The following SF3B1 variants were observed in gnomAD, a reference collection of about 807,000 sequenced individuals.
SF3B1 encodes the protein splicing factor 3b subunit 1, also known as pre-mRNA processing 10.
A neutral mutation model predicts 153.8 loss-of-function variants in SF3B1; 12 were observed. The ratio of observed to expected loss-of-function variants is 0.08; its 90% CI spans 0.05 to 0.13. The LOEUF (loss-of-function observed/expected upper bound fraction) is 0.13. Ranked by LOEUF, SF3B1 falls within the 10% of genes least tolerant of loss-of-function variation. The pLI is 1.00. For missense variants in SF3B1, 513 were observed against 1,606.1 expected (o/e 0.32, Z 11.63); for synonymous variants, 498 against 525.2 (o/e 0.95, Z 0.71).
intron 9 of SF3B1, among the ~76,000 whole-genome samples, chr2:197,407,606 TAAA>T (rs143335876): frequency 8.3e-5 from 11 of 132,414 alleles, no homozygotes; most frequent in Admixed American, 7.6e-5. Context: ...CTCCATCTTT[TAAA>T]AAAAAAAAAA....
intron 5 of SF3B1, 94 bp from the exon 6 acceptor site, chr2:197,417,005 C>T (rs2106005337): frequency 7.8e-7 from 1 of 1,282,062 alleles, no homozygotes; most frequent in Non-Finnish European, 1.1e-6. Context: ...CTATTTTATA[C>T]TTTGCTCATT....
intron 6 of SF3B1, among the ~76,000 whole-genome samples, chr2:197,412,567 G>A (rs1162329000): frequency 6.6e-6 from 1 of 151,746 alleles, no homozygotes; most frequent in Non-Finnish European, 1.5e-5. Context: ...ATGTTGGCCA[G>A]GATGGTCTCA....
chr2:197,397,989 T>C lies in SF3B1; in HGVS notation c.3262A>G (p.Ile1088Val). The C allele has an allele frequency of 6.2e-7, 1 of 1,611,952 alleles. No individual in the cohort carries two copies. The highest frequency in any genetic ancestry group is 8.5e-7 in the Non-Finnish European group (1 of 1,178,694). Residue 1088 changes from isoleucine (I) to valine (V), a missense_variant, in exon 22 of 25, where the codon ATT becomes GTT. Ile to Val is a conservative substitution (Grantham distance 29). Coordinates refer to ENST00000335508, the MANE Select transcript of SF3B1 (RefSeq NM_012433.4). ...VNTFGYIAKA[I>V]GPHDVLATLL... ...ATGGAAGTAAATAACACTCACCCAA[T>C]GGCCTTTGCAATATAACCAAATGTG...
intron 22 of SF3B1, among the ~76,000 whole-genome samples, chr2:197,397,784 G>A (rs919700528): frequency 4.0e-5 from 6 of 150,068 alleles, no homozygotes; most frequent in East Asian, 1.9e-4. Context: ...GTGACAGAGC[G>A]AGACTCCGTC....
chr2:197,418,187 G>C (rs566706876), intron 5 of SF3B1, among the ~76,000 whole-genome samples: 33 of 126,620 alleles, frequency 2.6e-4, no homozygotes, highest in Non-Finnish European at 4.4e-4. Context: ...AGTGAGATGA[G>C]ATCACGCCAC....
At position 197,400,696 on chromosome 2, in the gene SF3B1, C is replaced by T. The variant is rs2105982272; in HGVS notation, c.2718+19G>A. ...AAATATTAAAGTTAGTAGCAATGTGCCATAATAGTTTTCATTACCTCTGTA... is the reference window on the plus strand; with the variant it reads ...AAATATTAAAGTTAGTAGCAATGTGTCATAATAGTTTTCATTACCTCTGTA... On this transcript the variant is annotated intron_variant, in intron 18 of 24. Coordinates refer to ENST00000335508, the MANE Select transcript of SF3B1 (RefSeq NM_012433.4). The surrounding 1 kb of genome is among the most constrained non-coding windows in gnomAD (Gnocchi z 5.0). 1 of 1,506,518 alleles carries T rather than the reference C, an allele frequency of 6.6e-7. No homozygotes were observed. The highest frequency in any genetic ancestry group is 9.2e-7 in the Non-Finnish European group (1 of 1,086,962). 93.3% of individuals were successfully genotyped at this position (1,506,518 alleles called of 1,614,324 possible).
chr2:197,433,206 G>C (rs1174654685), intron 1 of SF3B1, among the ~76,000 whole-genome samples: 1 of 152,192 alleles, frequency 6.6e-6, no homozygotes, highest in Non-Finnish European at 1.5e-5. Flanking sequence ...CATAGGGATG[G>C]GCACAGACAG....
chr2:197,393,936 C>T (rs1031216974), intron 23 of SF3B1, among the ~76,000 whole-genome samples: 4 of 151,954 alleles, frequency 2.6e-5, no homozygotes, highest in East Asian at 1.9e-4. Flanking sequence ...GTAATCCTAG[C>T]GCTTTGGGAG....
At chr2:197,430,797 C>T (rs2085416829) in intron 1 of SF3B1, among the ~76,000 whole-genome samples, 1 of 151,836 alleles carries the variant, frequency 6.6e-6, no homozygotes, top group Non-Finnish European at 1.5e-5. Flanking sequence ...CTGTGCCCGG[C>T]CTGTTGTTTT....
At chr2:197,411,447 G>A (rs2105998146) in intron 6 of SF3B1, among the ~76,000 whole-genome samples, 1 of 151,818 alleles carries the variant, frequency 6.6e-6, no homozygotes. Context: ...GCCGAGGCGG[G>A]CGGATCACAA....
chr2:197,434,861 G>T, intron 1 of SF3B1, 111 bp downstream of exon 1: 2 of 1,202,628 alleles, frequency 1.7e-6, no homozygotes, highest in Non-Finnish European at 2.4e-6. Flanking sequence ...GCCCCGAAAC[G>T]CGGGCTCAGC....
rs1212652367 is a variant in SF3B1 at position 197,393,110 on chromosome 2, A to G, written c.3618T>C (p.Asp1206=). ...CATAGTTCAACAAGTGATTCAGCGA[A>G]TCTTCACAACCAAATCCATAAACCC... The part of the protein sequence containing the change: ...SLGVYGFGCE[D]SLNHLLNYVW... The change falls in exon 24 of 25, where the codon GAT becomes GAC. Residue 1206 remains aspartate, a synonymous_variant. Coordinates refer to ENST00000335508, the MANE Select transcript of SF3B1 (RefSeq NM_012433.4). 1.2e-6 allele frequency: 2 copies of G among 1,613,932 alleles called. No homozygotes were observed. Among genetic ancestry groups the G allele is most frequent in the African/African-American group, 1.3e-5 (1 of 74,928 alleles).
intron 4 of SF3B1, chr2:197,418,909 T>C: frequency 6.3e-7 from 1 of 1,597,804 alleles, no homozygotes; most frequent in Non-Finnish European, 8.5e-7. Context: ...TTCGTGCCTT[T>C]GTCTCCATCA....
rs948253131 is a variant in SF3B1, at chr2:197,400,528, C to G, written c.2719-94G>C. The G allele has an allele frequency of 4.3e-6, 5 of 1,169,428 alleles. No homozygotes were observed. The African/African-American group carries it at 7.9e-5, about 18-fold the overall frequency. The allele number at this position is 1,169,428 out of a possible 1,614,324, so 72.4% of individuals were successfully genotyped here. A position where few individuals can be genotyped will look rare whatever the true frequency, so the allele number is the denominator to read the frequency against. On this transcript the variant is annotated intron_variant, in intron 18 of 24. Transcript: ENST00000335508. This position sits in a 1 kb window ranked among gnomAD's most constrained non-coding sequence, Gnocchi z 5.0. Reference sequence around the variant, plus strand: ...AGTCAACCTTTTCTAACCACCCAAACATCTGTTGCTGTTTTTTTACATCAA... The same window carrying G: ...AGTCAACCTTTTCTAACCACCCAAAGATCTGTTGCTGTTTTTTTACATCAA...
chr2:197,392,927 T>TA (rs759543788), intron 24 of SF3B1, 45 bp downstream of exon 24: 137 of 1,073,822 alleles, frequency 1.3e-4, no homozygotes, highest in African/African-American at 7.8e-4. Context: ...AAAGTATTAT[T>TA]TAAAAAAAAA....
intron 20 of SF3B1, among the ~76,000 whole-genome samples, chr2:197,399,584 T>A (rs577651257): frequency 3.5e-4 from 54 of 152,294 alleles, no homozygotes; most frequent in African/African-American, 1.2e-3. Flanking sequence ...AAGACAATAA[T>A]TTGATCAGTT....
chr2:197,413,406 AAAAATT>A (rs1193432928), intron 6 of SF3B1, among the ~76,000 whole-genome samples: 1 of 152,244 alleles, frequency 6.6e-6, no homozygotes, highest in Non-Finnish European at 1.5e-5. Flanking sequence ...ACTCTGTCTC[AAAAATT>A]AAAATTAAAA....
In SF3B1 at chr2:197,402,466, G is replaced by T; in HGVS notation, c.2077+90C>A. On this transcript the variant is annotated intron_variant, in intron 14 of 24. Coordinates refer to ENST00000335508, the MANE Select transcript of SF3B1 (RefSeq NM_012433.4). This position sits in a 1 kb window ranked among gnomAD's most constrained non-coding sequence, Gnocchi z 4.6. ...GAGGCTGAGCAGGAGGATCACTTGA[G>T]CCCAAAGGTTTGAGTCCAGTCTGGG... is the stretch of plus-strand genomic sequence containing the variant. 1.7e-6 allele frequency: 2 copies of T among 1,158,736 alleles called. No individual in the cohort carries two copies. The highest frequency in any genetic ancestry group is 1.5e-5 in the South Asian group (1 of 65,830). The allele number at this position is 1,158,736 out of a possible 1,614,324, so 71.8% of individuals were successfully genotyped here.
chr2:197,410,817 T>A lies in SF3B1; in HGVS notation c.667-810A>T, dbSNP rs112990503. ...CCGCACCAGGCCCCACCTATGTAAT[T>A]ATAACCAGATACCGTCACATGATTT... On this transcript the variant is annotated intron_variant, in intron 6 of 24. Coordinates refer to ENST00000335508, the MANE Select transcript of SF3B1 (RefSeq NM_012433.4). Among the ~76,000 whole-genome samples, 40 of 152,318 alleles carry A rather than the reference T, an allele frequency of 2.6e-4. 2 individuals carry two copies. Among genetic ancestry groups the A allele is most frequent in the African/African-American group, 9.4e-4 (39 of 41,572 alleles).
Sources: allele counts gnomAD v4.1 joint callset (sites outside exome capture counted in the v4.1 genomes callset), GRCh38; gene constraint gnomAD v4.1.1; non-coding constraint Gnocchi (gnomAD v3.1); transcripts MANE v1.5; gene names NCBI Gene and HGNC (gene_info 2026-07-23, HGNC 2026-07-21).